Variants in LSAMP observed in about 807,000 individuals in gnomAD.
The protein encoded by LSAMP is limbic system associated membrane protein.
Under a neutral mutation model 38.6 loss-of-function variants are expected in LSAMP, and 7 were observed. The observed-to-expected ratio is 0.18, with a 90% CI of 0.10 to 0.34. The LOEUF (loss-of-function observed/expected upper bound fraction) is 0.34. Among genes scored for constraint, LSAMP ranks in the 10% least tolerant of loss-of-function variants. The pLI, the probability that LSAMP is intolerant of heterozygous loss-of-function variation, is 1.00. For synonymous variants in LSAMP, 154 were observed against 166.8 expected, an observed-to-expected ratio of 0.92 and a Z score of 0.59; for missense variants, 313 against 420.0, an observed-to-expected ratio of 0.75 and a Z score of 2.23.
intron 1 of LSAMP, among the ~76,000 whole-genome samples, chr3:116,433,760 C>T (rs1456691626): frequency 2.0e-5 from 3 of 152,070 alleles, no homozygotes; most frequent in Non-Finnish European, 1.5e-5. Flanking sequence ...ACAGTCACCC[C>T]TAGAGGGAGA....
intron 1 of LSAMP, among the ~76,000 whole-genome samples, chr3:116,425,435 TA>T (rs1312968775): frequency 2.6e-5 from 4 of 152,218 alleles, no homozygotes; most frequent in African/African-American, 4.8e-5. Context: ...ACATGGAAGA[TA>T]AGGGTTAGTG....
intron 1 of LSAMP, among the ~76,000 whole-genome samples, chr3:116,255,105 T>C (rs75700864): frequency 0.035 from 5,355 of 152,202 alleles, 303 homozygotes; most frequent in African/African-American, 0.12. Flanking sequence ...AGAGCTCTAT[T>C]CTATATTTTT....
chr3:116,424,870 A>G (rs553871067), intron 1 of LSAMP, among the ~76,000 whole-genome samples: 1 of 152,288 alleles, frequency 6.6e-6, no homozygotes, highest in Admixed American at 6.5e-5. Context: ...TGTATGCAGA[A>G]TTCCATTTTT....
In LSAMP at chr3:115,805,503, C is replaced by T. The variant is rs902158017; in HGVS notation, c.*4814G>A. On this transcript the variant is annotated 3_prime_UTR_variant, in exon 7 of 7. Transcript: ENST00000490035. ...TAAACTAGTGATTTACATTGATTTA[C>T]ACATGATTGGTGCCTAATTTATTAA... The T allele has an allele frequency of 1.4e-4, 22 of 152,102 alleles. No individual in the cohort carries two copies. Among genetic ancestry groups the T allele is most frequent in the African/African-American group, 5.1e-4 (21 of 41,478 alleles). The allele number at this position is 152,102 out of a possible 1,614,324, so 9.4% of individuals were successfully genotyped here. A position where few individuals can be genotyped will look rare whatever the true frequency, so the allele number is the denominator to read the frequency against.
intron 3 of LSAMP, among the ~76,000 whole-genome samples, chr3:115,980,292 A>G (rs1482898125): frequency 6.6e-6 from 1 of 152,104 alleles, no homozygotes; most frequent in East Asian, 1.9e-4. Context: ...GAAGATTGTA[A>G]GTTTTTTTGT....
chr3:116,296,474 G>A (rs1172890306), intron 1 of LSAMP, among the ~76,000 whole-genome samples: 1 of 152,028 alleles, frequency 6.6e-6, no homozygotes, highest in Non-Finnish European at 1.5e-5. Flanking sequence ...CAGGTCAGGA[G>A]ACAGAGACCA....
intron 1 of LSAMP, among the ~76,000 whole-genome samples, chr3:116,403,925 T>C (rs1244083140): frequency 7.6e-6 from 1 of 132,122 alleles, no homozygotes. Flanking sequence ...TGGCTACTTT[T>C]GTAATTTTTT....
rs564028461 is a variant in LSAMP, at chr3:115,804,849, T to G, written c.*5468A>C. 6.6e-6 allele frequency: 1 copy of G among 152,276 alleles called. No individual in the cohort carries two copies. Among genetic ancestry groups the G allele is most frequent in the South Asian group, 2.1e-4 (1 of 4,828 alleles). 9.4% of individuals were successfully genotyped at this position (152,276 alleles called of 1,614,324 possible). ...AAATGATTCAGTCCCTCACTTGCAATATTCAGGATAAATGTGTGGAAACAT... is the reference window on the plus strand; with the variant it reads ...AAATGATTCAGTCCCTCACTTGCAAGATTCAGGATAAATGTGTGGAAACAT... On this transcript the variant is annotated 3_prime_UTR_variant, in exon 7 of 7. Coordinates refer to ENST00000490035, the MANE Select transcript of LSAMP (RefSeq NM_002338.5).
chr3:116,280,355 A>ACTC (rs1251698086), intron 1 of LSAMP, among the ~76,000 whole-genome samples: 1 of 152,074 alleles, frequency 6.6e-6, no homozygotes, highest in East Asian at 1.9e-4. Context: ...AGAGACCTGA[A>ACTC]CTCAACTTCC....
intron 1 of LSAMP, among the ~76,000 whole-genome samples, chr3:116,406,145 T>C (rs2048894679): frequency 6.6e-6 from 1 of 151,946 alleles, no homozygotes; most frequent in African/African-American, 2.4e-5. Flanking sequence ...ACAAACAACA[T>C]GGTATCTGAA....
intron 1 of LSAMP, among the ~76,000 whole-genome samples, chr3:116,217,099 G>A (rs2046228802): frequency 6.6e-6 from 1 of 152,200 alleles, no homozygotes; most frequent in South Asian, 2.1e-4. Context: ...TCCAAAGGCT[G>A]TTTTAATTAA....
chr3:116,119,470 C>G (rs988475664), intron 1 of LSAMP, among the ~76,000 whole-genome samples: 47 of 151,864 alleles, frequency 3.1e-4, no homozygotes, highest in African/African-American at 9.2e-4. Context: ...GACATCAAAG[C>G]AAAGAGAAAA....
intron 1 of LSAMP, among the ~76,000 whole-genome samples, chr3:116,304,501 G>A (rs976279345): frequency 6.6e-6 from 1 of 152,104 alleles, no homozygotes; most frequent in Non-Finnish European, 1.5e-5. Context: ...AAAGTATGAA[G>A]GATGAGTGAG....
chr3:116,169,629 T>A (rs1246946102), intron 1 of LSAMP, among the ~76,000 whole-genome samples: 2 of 152,238 alleles, frequency 1.3e-5, no homozygotes, highest in African/African-American at 4.8e-5. Flanking sequence ...AAGCCATCAC[T>A]GTTTGTAAGG....
intron 1 of LSAMP, among the ~76,000 whole-genome samples, chr3:116,139,596 G>A (rs1709326283): frequency 6.6e-6 from 1 of 152,000 alleles, no homozygotes. Context: ...TTGCCAAGTA[G>A]ATGCTGCCAG....
chr3:116,328,109 C>T (rs1254891622), intron 1 of LSAMP, among the ~76,000 whole-genome samples: 1 of 152,148 alleles, frequency 6.6e-6, no homozygotes, highest in East Asian at 1.9e-4. Context: ...TACCCTTGTC[C>T]TTCTTTCCCA....
chr3:116,346,217 A>G (rs1034300284), intron 1 of LSAMP, among the ~76,000 whole-genome samples: 1 of 152,128 alleles, frequency 6.6e-6, no homozygotes, highest in Non-Finnish European at 1.5e-5. Flanking sequence ...GCATTGTTAT[A>G]TGTTTCTGCT....
chr3:116,029,796 C>T (rs1940878661), intron 2 of LSAMP, among the ~76,000 whole-genome samples: 1 of 152,020 alleles, frequency 6.6e-6, no homozygotes, highest in African/African-American at 2.4e-5. Flanking sequence ...ATGTAGCCAG[C>T]ATTTTACTAT....
chr3:116,062,639 AAC>A (rs2107359143), intron 2 of LSAMP, among the ~76,000 whole-genome samples: 1 of 152,316 alleles, frequency 6.6e-6, no homozygotes, highest in South Asian at 2.1e-4. Flanking sequence ...CCAGTTATGT[AAC>A]AGTCTTCTGC....
Sources: allele counts gnomAD v4.1 joint callset (sites outside exome capture counted in the v4.1 genomes callset), GRCh38; gene constraint gnomAD v4.1.1; transcripts MANE v1.5; gene names NCBI Gene and HGNC (gene_info 2026-07-23, HGNC 2026-07-21).